The following PIAS1 variants were observed in gnomAD, a reference collection of about 807,000 sequenced individuals.
PIAS1 encodes E3 SUMO-protein ligase PIAS1.
PIAS1 carries 6 observed loss-of-function variants against 71.3 expected under a neutral mutation model. That is an observed-to-expected ratio of 0.08 (90% CI 0.05 to 0.17). PIAS1 has a LOEUF of 0.17. Among genes scored for constraint, PIAS1 ranks in the 10% least tolerant of loss-of-function variants. The pLI, the probability that PIAS1 is intolerant of heterozygous loss-of-function variation, is 1.00. For synonymous variants in PIAS1, 303 were observed against 292.9 expected, an observed-to-expected ratio of 1.03 and a Z score of -0.35; for missense variants, 555 against 793.6, an observed-to-expected ratio of 0.70 and a Z score of 3.61.
chr15:68,120,966 G>A (rs1284721228), intron 2 of PIAS1, among the ~76,000 whole-genome samples: 1 of 152,144 alleles, frequency 6.6e-6, no homozygotes, highest in Non-Finnish European at 1.5e-5. Flanking sequence ...ACTGCAGTAT[G>A]TTGTTGTTAT....
intron 1 of PIAS1, among the ~76,000 whole-genome samples, chr15:68,066,129 C>CT (rs1013030843): frequency 3.3e-5 from 5 of 149,824 alleles, no homozygotes; most frequent in South Asian, 2.1e-4. Context: ...TTTCTTTTTT[C>CT]TTTTTTTTGA....
intron 7 of PIAS1, among the ~76,000 whole-genome samples, chr15:68,157,385 C>G (rs1318733846): frequency 1.3e-5 from 2 of 152,152 alleles, no homozygotes; most frequent in Non-Finnish European, 2.9e-5. Context: ...ATGGATAGAG[C>G]TCTGTGTTCC....
At chr15:68,106,855 C>T (rs992877383) in intron 2 of PIAS1, among the ~76,000 whole-genome samples, 2 of 152,196 alleles carry the variant, frequency 1.3e-5, no homozygotes, top group African/African-American at 4.8e-5. Context: ...TACAGCACAG[C>T]AAGCTTTTCT....
chr15:68,067,507 T>C (rs1181541114), intron 1 of PIAS1, among the ~76,000 whole-genome samples: 2 of 152,072 alleles, frequency 1.3e-5, no homozygotes, highest in Non-Finnish European at 2.9e-5. Flanking sequence ...TTGTTTCTCT[T>C]TATGGGGGGA....
intron 1 of PIAS1, among the ~76,000 whole-genome samples, chr15:68,078,877 A>G (rs2092198115): frequency 6.6e-6 from 1 of 152,242 alleles, no homozygotes; most frequent in Non-Finnish European, 1.5e-5. Flanking sequence ...GACGCTAAAA[A>G]TTATGATTGA....
chr15:68,173,168 A>AT lies in PIAS1; in HGVS notation c.1009-556dup, dbSNP rs1367440782. ...TAATCCCTAGTAAGGTGGTTCTTAAATTTTTTTTGGATCAAGGACTGCTTT... is the reference window on the plus strand; with the variant it reads ...TAATCCCTAGTAAGGTGGTTCTTAAATTTTTTTTTGGATCAAGGACTGCTTT... On this transcript the variant is annotated intron_variant, in intron 8 of 13. Coordinates refer to ENST00000249636, the MANE Select transcript of PIAS1 (RefSeq NM_016166.3). The surrounding 1 kb of genome is among the most constrained non-coding windows in gnomAD (Gnocchi z 4.3). 3.3e-5 allele frequency among the ~76,000 whole-genome samples: 5 copies of AT among 152,104 alleles called. No individual in the cohort carries two copies. The highest frequency in any genetic ancestry group is 5.9e-5 in the Non-Finnish European group (4 of 67,976).
chr15:68,083,040 A>T (rs536701859), intron 1 of PIAS1, among the ~76,000 whole-genome samples: 4 of 152,172 alleles, frequency 2.6e-5, no homozygotes, highest in Non-Finnish European at 5.9e-5. Flanking sequence ...ATCTCTATCA[A>T]TTGAGGACGT....
chr15:68,056,764 TA>T (rs147315446), intron 1 of PIAS1, among the ~76,000 whole-genome samples: 2,996 of 151,846 alleles, frequency 0.02, 84 homozygotes, highest in African/African-American at 0.067. Context: ...GAGAATGTGT[TA>T]AAAAAAAGAG....
At chr15:68,075,050 A>C (rs1490482619) in intron 1 of PIAS1, among the ~76,000 whole-genome samples, 1 of 150,962 alleles carries the variant, frequency 6.6e-6, no homozygotes, top group East Asian at 1.9e-4. Context: ...TTTTTGAAAG[A>C]AAATAAAAAC....
At chr15:68,182,822 A>G (rs1029014537) in intron 12 of PIAS1, among the ~76,000 whole-genome samples, 2 of 152,212 alleles carry the variant, frequency 1.3e-5, no homozygotes, top group African/African-American at 4.8e-5. Context: ...TGCATTTTGT[A>G]AGCCTTCGTG....
chr15:68,092,002 T>C (rs1044182954), intron 2 of PIAS1, among the ~76,000 whole-genome samples: 2 of 152,186 alleles, frequency 1.3e-5, no homozygotes, highest in African/African-American at 4.8e-5. Context: ...TCATCTTGTT[T>C]GCTTTATATG....
rs1555429836 is a variant in PIAS1, at chr15:68,134,623, C to CCG, written c.470-7322_470-7321insGC. On this transcript the variant is annotated intron_variant, in intron 2 of 13. Coordinates refer to ENST00000249636, the MANE Select transcript of PIAS1 (RefSeq NM_016166.3). ...GGCGGCTGGCCGGGCGGGGGGCTAA[C>CCG]CCCCCCCACCTCCCTCCCGGACGGG... 3.4e-3 allele frequency among the ~76,000 whole-genome samples: 2 copies of CCG among 596 alleles called. 1 individual carries two copies. The highest frequency in any genetic ancestry group is 0.053 in the Admixed American group (2 of 38). 0.4% of individuals were successfully genotyped at this position (596 alleles called of 152,430 possible).
In PIAS1 at chr15:68,190,123, A is replaced by G. The variant is rs2093112350; in HGVS notation, c.*2288A>G. 6.6e-6 allele frequency: 1 copy of G among 152,120 alleles called. No individual in the cohort carries two copies. The highest frequency in any genetic ancestry group is 2.4e-5 in the African/African-American group (1 of 41,420). The allele number at this position is 152,120 out of a possible 1,614,324, so 9.4% of individuals were successfully genotyped here. A position where few individuals can be genotyped will look rare whatever the true frequency, so the allele number is the denominator to read the frequency against. ...GATCCAGTTGAAAACGTATCCCTCT[A>G]CTTTCTTCAGTTGTAGAAAAGGTTA... On this transcript the variant is annotated 3_prime_UTR_variant, in exon 14 of 14. Coordinates refer to ENST00000249636, the MANE Select transcript of PIAS1 (RefSeq NM_016166.3). This position sits in a 1 kb window ranked among gnomAD's most constrained non-coding sequence, Gnocchi z 4.7.
intron 2 of PIAS1, among the ~76,000 whole-genome samples, chr15:68,115,561 C>G (rs1369150546): frequency 6.6e-6 from 1 of 152,068 alleles, no homozygotes; most frequent in Non-Finnish European, 1.5e-5. Flanking sequence ...CTGGCAAGAA[C>G]CTTCAGTATA....
intron 1 of PIAS1, among the ~76,000 whole-genome samples, chr15:68,070,587 G>A (rs1306166161): frequency 6.6e-6 from 1 of 152,172 alleles, no homozygotes; most frequent in Non-Finnish European, 1.5e-5. Flanking sequence ...CACTAGTTCT[G>A]TGTGGGTATT....
At chr15:68,160,244 C>G (rs369886593) in intron 7 of PIAS1, among the ~76,000 whole-genome samples, 1 of 152,022 alleles carries the variant, frequency 6.6e-6, no homozygotes, top group African/African-American at 2.4e-5. Flanking sequence ...ATTGTTTGAG[C>G]TCTTGGATCT....
At chr15:68,095,874 A>G (rs1157213550) in intron 2 of PIAS1, among the ~76,000 whole-genome samples, 6 of 152,146 alleles carry the variant, frequency 3.9e-5, no homozygotes, top group Admixed American at 2.0e-4. Context: ...GCAGACCCCA[A>G]TAGCTCTGGG....
intron 2 of PIAS1, among the ~76,000 whole-genome samples, chr15:68,093,298 A>G (rs1398019915): frequency 2.6e-5 from 4 of 152,272 alleles, no homozygotes; most frequent in African/African-American, 9.6e-5. Context: ...TTGTAATTAC[A>G]ATTACAAGTG....
chr15:68,146,427 T>G, intron 5 of PIAS1, 139 bp from the exon 6 acceptor site: 1 of 644,148 alleles, frequency 1.6e-6, no homozygotes, highest in Non-Finnish European at 2.7e-6. Flanking sequence ...AAGAAACTTG[T>G]AAATGTTTGC....
Sources: allele counts gnomAD v4.1 joint callset (sites outside exome capture counted in the v4.1 genomes callset), GRCh38; gene constraint gnomAD v4.1.1; non-coding constraint Gnocchi (gnomAD v3.1); transcripts MANE v1.5; gene names NCBI Gene and HGNC (gene_info 2026-07-23, HGNC 2026-07-21).